RBFOX1: variants seen among roughly 807,000 people sequenced by gnomAD.
RBFOX1 encodes the protein RNA binding protein fox-1 homolog 1.
RBFOX1 carries 8 observed loss-of-function variants against 57.7 expected under a neutral mutation model. The ratio of observed to expected loss-of-function variants is 0.14; its 90% CI spans 0.08 to 0.25. The LOEUF is 0.25. Among genes scored for constraint, RBFOX1 ranks in the 10% least tolerant of loss-of-function variants. The pLI is 1.00. For synonymous variants in RBFOX1, 326 were observed against 222.4 expected (o/e 1.47, Z -4.15); for missense variants, 611 against 548.5 (o/e 1.11, Z -1.14).
rs539098192 is a variant in RBFOX1, at chr16:6,612,849, C to CAAAAA, written c.-63-41742_-63-41738dup. Among the ~76,000 whole-genome samples, 660 of 103,014 alleles carry CAAAAA rather than the reference C, an allele frequency of 6.4e-3. 8 individuals are homozygous for CAAAAA. The highest frequency in any genetic ancestry group is 0.032 in the East Asian group (139 of 4,284). The allele number at this position is 103,014 out of a possible 152,430, so 67.6% of individuals were successfully genotyped here. A position where few individuals can be genotyped will look rare whatever the true frequency, so the allele number is the denominator to read the frequency against. ...CCTGGGAGACAGTGAGACTCTCTCT[C>CAAAAA]AAAAAAAAAAAAAAAATAATAATAA... On this transcript the variant is annotated intron_variant, in intron 2 of 15. Transcript: ENST00000550418.
chr16:7,388,015 C>T (rs1274947841), intron 4 of RBFOX1, among the ~76,000 whole-genome samples: 2 of 151,828 alleles, frequency 1.3e-5, no homozygotes, highest in South Asian at 4.2e-4. Context: ...GCAAACAAAA[C>T]AAAACAAAAT....
intron 14 of RBFOX1, among the ~76,000 whole-genome samples, chr16:7,677,808 T>C (rs1254178697): frequency 6.6e-6 from 1 of 152,156 alleles, no homozygotes; most frequent in African/African-American, 2.4e-5. Context: ...GGCTGGGGCA[T>C]GCTGGGTCAG....
Position 7,255,519 on chromosome 16 carries a change from A to C in RBFOX1, c.27+203421A>C, listed in dbSNP as rs570411758. Among the ~76,000 whole-genome samples the C allele has an allele frequency of 2.0e-5, 3 of 152,332 alleles. No homozygotes were observed. In the East Asian group the frequency reaches 5.8e-4, roughly 29 times the overall value. ...TGCCATGGCAAGATGTCCAGCTTAT[A>C]TTTAGTGTAAAAGAGATTGAAAAAG... On this transcript the variant is annotated intron_variant, in intron 4 of 15. Transcript: ENST00000550418.
At chr16:5,555,083 G>A (rs1304996738) in intron 2 of RBFOX1, among the ~76,000 whole-genome samples, 1 of 152,150 alleles carries the variant, frequency 6.6e-6, no homozygotes, top group Non-Finnish European at 1.5e-5. Flanking sequence ...TCTTTTGTGT[G>A]TTTGTGACAT....
At chr16:6,708,112 T>C (rs1290648718) in intron 3 of RBFOX1, among the ~76,000 whole-genome samples, 7 of 152,194 alleles carry the variant, frequency 4.6e-5, no homozygotes, top group African/African-American at 1.2e-4. Context: ...TGGCATCTTT[T>C]GTTTACTACC....
At chr16:6,828,595 G>A (rs1211245267) in intron 3 of RBFOX1, among the ~76,000 whole-genome samples, 1 of 151,800 alleles carries the variant, frequency 6.6e-6, no homozygotes, top group African/African-American at 2.4e-5. Flanking sequence ...GAAAAACCGG[G>A]CATGGACCAA....
intron 3 of RBFOX1, among the ~76,000 whole-genome samples, chr16:5,721,406 C>T (rs747763672): frequency 6.6e-5 from 10 of 152,102 alleles, no homozygotes; most frequent in Non-Finnish European, 1.2e-4. Flanking sequence ...ATCTTGTTGT[C>T]TGCAAGTAAA....
rs145844713 is a variant in RBFOX1 at position 7,463,383 on chromosome 16, A to G, written c.28-54764A>G. Among the ~76,000 whole-genome samples the G allele has an allele frequency of 2.7e-4, 41 of 152,320 alleles. 3 individuals carry two copies. In the East Asian group the frequency reaches 7.5e-3, roughly 28 times the overall value. On this transcript the variant is annotated intron_variant, in intron 4 of 15. Transcript: ENST00000550418. ...GCTGGGTGTGATTGTGGGTGCCTGT[A>G]ATCTCCGATACTCGGGAGGCTGACA...
intron 2 of RBFOX1, among the ~76,000 whole-genome samples, chr16:6,336,839 G>T (rs893556243): frequency 2.0e-4 from 30 of 152,146 alleles, no homozygotes; most frequent in African/African-American, 6.5e-4. Context: ...TAACACCTGA[G>T]TGAAAACGAT....
chr16:6,099,089 C>T (rs1276336953), intron 1 of RBFOX1, among the ~76,000 whole-genome samples: 3 of 152,104 alleles, frequency 2.0e-5, no homozygotes, highest in Non-Finnish European at 4.4e-5. Flanking sequence ...TGTATGAGTC[C>T]AGGGGGCGAC....
At chr16:7,084,280 A>C (rs1474871319) in intron 4 of RBFOX1, among the ~76,000 whole-genome samples, 2 of 152,176 alleles carry the variant, frequency 1.3e-5, no homozygotes, top group African/African-American at 4.8e-5. Flanking sequence ...ATGAACTAAT[A>C]TATATGTATG....
intron 1 of RBFOX1, among the ~76,000 whole-genome samples, chr16:5,312,845 A>T (rs1407461544): frequency 1.3e-5 from 2 of 152,246 alleles, no homozygotes; most frequent in Non-Finnish European, 1.5e-5. Context: ...ATGTCTTCAG[A>T]TATGAGCCCA....
intron 4 of RBFOX1, among the ~76,000 whole-genome samples, chr16:7,282,015 G>A (rs1425947320): frequency 1.3e-5 from 2 of 151,062 alleles, no homozygotes; most frequent in African/African-American, 2.5e-5. Flanking sequence ...ACAGGCGCGT[G>A]CCATCACGCC....
chr16:6,271,684 A>G (rs531294264), intron 1 of RBFOX1, among the ~76,000 whole-genome samples: 1 of 152,314 alleles, frequency 6.6e-6, no homozygotes, highest in East Asian at 1.9e-4. Context: ...CCACAAACTT[A>G]TCTTTGACAA....
At chr16:7,138,603 T>G (rs1206178107) in intron 4 of RBFOX1, among the ~76,000 whole-genome samples, 2 of 152,186 alleles carry the variant, frequency 1.3e-5, no homozygotes, top group African/African-American at 2.4e-5. Flanking sequence ...CCAGGAAATG[T>G]AACCCCCCAT....
intron 2 of RBFOX1, among the ~76,000 whole-genome samples, chr16:5,554,588 G>A (rs2045598139): frequency 6.6e-6 from 1 of 152,008 alleles, no homozygotes; most frequent in Admixed American, 6.6e-5. Flanking sequence ...GCACAGTTTT[G>A]CATTCAATGT....
chr16:7,017,023 T>A (rs1050007224), intron 3 of RBFOX1, among the ~76,000 whole-genome samples: 4 of 152,198 alleles, frequency 2.6e-5, no homozygotes, highest in African/African-American at 9.7e-5. Context: ...TTCATGACTT[T>A]TGGCTTCATC....
At chr16:6,766,703 C>G (rs750217408) in intron 3 of RBFOX1, among the ~76,000 whole-genome samples, 6 of 152,044 alleles carry the variant, frequency 3.9e-5, no homozygotes, top group Admixed American at 1.3e-4. Flanking sequence ...GACAACACAA[C>G]TCTAGAGCCT....
intron 13 of RBFOX1, among the ~76,000 whole-genome samples, chr16:7,673,663 G>A (rs1318973348): frequency 6.6e-6 from 1 of 152,182 alleles, no homozygotes; most frequent in Non-Finnish European, 1.5e-5. Flanking sequence ...CACATGAGTG[G>A]ATCACTTTGG....
Sources: allele counts gnomAD v4.1 joint callset (sites outside exome capture counted in the v4.1 genomes callset), GRCh38; gene constraint gnomAD v4.1.1; transcripts MANE v1.5; gene names NCBI Gene and HGNC (gene_info 2026-07-23, HGNC 2026-07-21).